The following NELL1 variants were observed in gnomAD, a reference collection of about 807,000 sequenced individuals.
NELL1 encodes the protein neural EGFL like 1.
In NELL1, 76 loss-of-function variants were observed where a neutral mutation model predicts 107.4. That is an observed-to-expected ratio of 0.71 (90% CI 0.59 to 0.86). The LOEUF is 0.86. Among genes scored for constraint, NELL1 ranks in the 40% least tolerant of loss-of-function variants. The pLI, the probability that NELL1 is intolerant of heterozygous loss-of-function variation, is 0.00. For synonymous variants in NELL1, 353 were observed against 341.2 expected (o/e 1.03, Z -0.38); for missense variants, 1,024 against 1,005.5 (o/e 1.02, Z -0.25).
At chr11:21,203,824 G>A (rs117362688) in intron 13 of NELL1, among the ~76,000 whole-genome samples, 9,256 of 152,186 alleles carry the variant, frequency 0.061, 288 homozygotes, top group East Asian at 0.14. Flanking sequence ...AAATCTGTCA[G>A]CATTTGCCTG....
At chr11:21,494,259 A>G (rs1854915908) in intron 15 of NELL1, among the ~76,000 whole-genome samples, 2 of 151,996 alleles carry the variant, frequency 1.3e-5, no homozygotes, top group South Asian at 4.1e-4. Flanking sequence ...TGTTTAATGT[A>G]TTATTCTTTC....
intron 14 of NELL1, among the ~76,000 whole-genome samples, chr11:21,365,368 T>G (rs1475241549): frequency 6.6e-6 from 1 of 152,188 alleles, no homozygotes; most frequent in Non-Finnish European, 1.5e-5. Context: ...TGTGCAGTGG[T>G]GCAAACTTCG....
intron 13 of NELL1, among the ~76,000 whole-genome samples, chr11:21,134,465 G>A (rs575995456): frequency 5.9e-5 from 9 of 152,280 alleles, no homozygotes; most frequent in African/African-American, 2.2e-4. Context: ...GGGGATGAGA[G>A]CTCTTGAAAG....
intron 4 of NELL1, among the ~76,000 whole-genome samples, chr11:20,852,934 T>C (rs1458672877): frequency 1.3e-5 from 2 of 152,176 alleles, no homozygotes; most frequent in African/African-American, 4.8e-5. Flanking sequence ...ATATGATGTA[T>C]TGCTAGATTC....
At chr11:21,421,184 TGGTATAA>T (rs1852659028) in intron 15 of NELL1, among the ~76,000 whole-genome samples, 1 of 152,172 alleles carries the variant, frequency 6.6e-6, no homozygotes, top group Non-Finnish European at 1.5e-5. Flanking sequence ...CACATTAGCA[TGGTATAA>T]GGTAGTGGAA....
intron 13 of NELL1, among the ~76,000 whole-genome samples, chr11:21,164,394 G>A (rs1856437457): frequency 6.6e-6 from 1 of 152,092 alleles, no homozygotes. Context: ...TCTCAATTCT[G>A]TACAAACATT....
intron 2 of NELL1, among the ~76,000 whole-genome samples, chr11:20,698,040 G>T (rs1854670655): frequency 6.6e-6 from 1 of 152,180 alleles, no homozygotes. Context: ...GATGAGCCTA[G>T]TCACTAATTA....
intron 14 of NELL1, among the ~76,000 whole-genome samples, chr11:21,357,590 T>C (rs1043767311): frequency 6.6e-6 from 1 of 152,202 alleles, no homozygotes; most frequent in African/African-American, 2.4e-5. Flanking sequence ...TTTTCTCCTG[T>C]TCTGTGGGTT....
At chr11:21,554,606 A>G (rs1856662889) in intron 16 of NELL1, among the ~76,000 whole-genome samples, 1 of 151,896 alleles carries the variant, frequency 6.6e-6, no homozygotes, top group Admixed American at 6.6e-5. Flanking sequence ...GAGAAAAATT[A>G]TAGAAACAAT....
chr11:21,261,367 G>A (rs1467867030), intron 14 of NELL1, among the ~76,000 whole-genome samples: 8 of 151,532 alleles, frequency 5.3e-5, no homozygotes, highest in African/African-American at 1.9e-4. Context: ...TCCTTTGAAA[G>A]GCTCCAGTGT....
rs766524485 is a variant in NELL1, at chr11:21,131,471, C to T, written c.1426+17757C>T. 5.3e-5 allele frequency among the ~76,000 whole-genome samples: 8 copies of T among 152,254 alleles called. No individual in the cohort carries two copies. In the East Asian group the frequency reaches 1.5e-3, roughly 29 times the overall value. On this transcript the variant is annotated intron_variant, in intron 13 of 19. Coordinates refer to ENST00000357134, the MANE Select transcript of NELL1 (RefSeq NM_006157.5). ...AGGCAAGTCATTTTAACTCTTTAGG[C>T]CTCAGTCATCATCTGCAGCAGGAGA...
At chr11:21,103,299 G>T (rs182413699) in intron 12 of NELL1, among the ~76,000 whole-genome samples, 7 of 152,264 alleles carry the variant, frequency 4.6e-5, no homozygotes, top group Admixed American at 4.6e-4. Flanking sequence ...ACTGCTTGAG[G>T]GGAGGGGTGA....
At chr11:21,149,788 G>C (rs1015906444) in intron 13 of NELL1, among the ~76,000 whole-genome samples, 1 of 152,164 alleles carries the variant, frequency 6.6e-6, no homozygotes, top group African/African-American at 2.4e-5. Context: ...TATATTCTAG[G>C]TAGTGAAAAG....
chr11:21,202,961 C>T (rs551677194), intron 13 of NELL1, among the ~76,000 whole-genome samples: 53 of 152,266 alleles, frequency 3.5e-4, no homozygotes, highest in Middle Eastern at 3.4e-3. Context: ...TTCCTGAGTT[C>T]TAGTTTGATT....
At chr11:21,264,605 A>G (rs1670630) in intron 14 of NELL1, among the ~76,000 whole-genome samples, 137,637 of 152,016 alleles carry the variant, frequency 0.91, 62,460 homozygotes, top group Non-Finnish European at 0.93. Context: ...TTATTATAAT[A>G]ACCTTACTAT....
chr11:21,471,721 A>G (rs1034027560), intron 15 of NELL1, among the ~76,000 whole-genome samples: 5 of 152,082 alleles, frequency 3.3e-5, no homozygotes, highest in Admixed American at 6.6e-5. Context: ...AGGTCAAAAG[A>G]CATAAAGATG....
chr11:20,678,028 T>A lies in NELL1; in HGVS notation c.152T>A (p.Met51Lys), dbSNP rs775050140. ...CTTGGAGTTGCTCAGGTGTCTGGAATGCACAATGCCAGCAAAGCATTTTTA... is the reference window on the plus strand; with the variant it reads ...CTTGGAGTTGCTCAGGTGTCTGGAAAGCACAATGCCAGCAAAGCATTTTTA... Reference protein sequence around the residue: ...TTLGVAQVSGMHNASKAFLFQ... With the variant: ...TTLGVAQVSGKHNASKAFLFQ... The change falls in exon 2 of 20, where the codon ATG (methionine) becomes AAG (lysine). Residue 51 changes from methionine to lysine, a missense_variant. Transcript: ENST00000357134. 6.2e-7 allele frequency: 1 copy of A among 1,614,140 alleles called. No individual in the cohort carries two copies.
intron 11 of NELL1, among the ~76,000 whole-genome samples, chr11:20,955,949 G>A (rs545252375): frequency 1.6e-4 from 24 of 152,212 alleles, no homozygotes; most frequent in African/African-American, 5.3e-4. Flanking sequence ...GGCCAGGCAC[G>A]ATGGCTCATG....
chr11:21,176,120 CTG>C (rs952452533), intron 13 of NELL1, among the ~76,000 whole-genome samples: 1 of 151,772 alleles, frequency 6.6e-6, no homozygotes, highest in African/African-American at 2.4e-5. Context: ...TCATGCGTTG[CTG>C]TGAGGATTAA....
Sources: gnomAD v4.1 joint callset for allele counts (sites outside exome capture counted in the v4.1 genomes callset) on GRCh38, gnomAD v4.1.1 for gene constraint, MANE v1.5 for transcripts, NCBI Gene and HGNC (gene_info 2026-07-23, HGNC 2026-07-21) for gene names.